RSF1: variants seen among roughly 807,000 people sequenced by gnomAD.
RSF1 encodes HBV pX-associated protein 8.
A neutral mutation model predicts 145.2 loss-of-function variants in RSF1; 13 were observed. The observed-to-expected ratio is 0.09, with a 90% CI of 0.06 to 0.14. The LOEUF is 0.14. Ranked by LOEUF, RSF1 falls within the 10% of genes least tolerant of loss-of-function variation. RSF1 has a pLI of 1.00. For missense variants in RSF1, 1,517 were observed against 1,718.2 expected (o/e 0.88, Z 2.07); for synonymous variants, 577 against 592.6 (o/e 0.97, Z 0.38).
At chr11:77,762,051 T>TTTTTTTTG (rs1948181028) in intron 2 of RSF1, 1 of 137,422 alleles carries the variant, frequency 7.3e-6, no homozygotes, top group African/African-American at 2.7e-5. Context: ...TTTTTTTTTG[T>TTTTTTTTG]AGAGATGGGA....
intron 2 of RSF1, among the ~76,000 whole-genome samples, chr11:77,752,626 TGTATCTGA>T (rs2135925374): frequency 6.6e-6 from 1 of 152,238 alleles, no homozygotes; most frequent in East Asian, 1.9e-4. Flanking sequence ...TCACTCTCTG[TGTATCTGA>T]GTCCTTGATG....
rs1959222942 is a variant in RSF1 at position 77,660,663 on chromosome 11, G to A, written c.*6254C>T. ...GAAAATTCAAGAGGCATTCTGATCA[G>A]TCCCTGAATTCCAGCTATTACTTTA... On this transcript the variant is annotated 3_prime_UTR_variant, in exon 16 of 16. Transcript: ENST00000308488. The A allele has an allele frequency of 1.3e-5, 2 of 152,178 alleles. No individual in the cohort carries two copies. The highest frequency in any genetic ancestry group is 4.1e-4 in the South Asian group (2 of 4,822). The allele number at this position is 152,178 out of a possible 1,614,324, so 9.4% of individuals were successfully genotyped here. A position where few individuals can be genotyped will look rare whatever the true frequency, so the allele number is the denominator to read the frequency against.
chr11:77,820,319 C>A (rs1229362631), intron 1 of RSF1, among the ~76,000 whole-genome samples: 1 of 152,186 alleles, frequency 6.6e-6, no homozygotes, highest in African/African-American at 2.4e-5. Context: ...CCCGCCCGGC[C>A]GAGTGGCCCT....
At chr11:77,848,743 A>G in the RSF1 span, among the ~76,000 whole-genome samples, 1 of 152,106 alleles carries the variant, frequency 6.6e-6, no homozygotes. Flanking sequence ...GAAAGCAAAC[A>G]GTAAGCTCAG....
intron 1 of RSF1, 21 bp from the exon 2 acceptor site, chr11:77,764,710 T>A: frequency 7.5e-7 from 1 of 1,340,284 alleles, no homozygotes; most frequent in South Asian, 1.2e-5. Context: ...AGAAAAAAAA[T>A]ATCATTAGCC....
At chr11:77,821,121 T>A (rs117804781), upstream of RSF1, 3 of 426,296 alleles carry the variant, frequency 7.0e-6, no homozygotes, top group Admixed American at 4.0e-5. Context: ...GCTGTTCAAC[T>A]GCAGGGCGTA....
In RSF1 at chr11:77,702,465, C is replaced by T; in HGVS notation, c.764G>A (p.Ser255Asn). 2 of 1,551,016 alleles carry T rather than the reference C, an allele frequency of 1.3e-6. No individual in the cohort carries two copies. Among genetic ancestry groups the T allele is most frequent in the African/African-American group, 1.4e-5 (1 of 71,634 alleles). The change falls in exon 6 of 16, where the codon AGT becomes AAT. Residue 255 changes from serine to asparagine, a missense_variant. This residue lies in a region of RSF1 where 207 missense variants were observed against 191.4 expected (regional missense o/e 1.08). Transcript: ENST00000308488. ...TTCTAAATCCATAGGCTGCTCCTCA[C>T]TTTTCATCTTTTCACTTTCTTTCTG... is the stretch of plus-strand genomic sequence containing the variant. ...EEQKESEKMK[S>N]EEQPMDLENR... is the part of the protein sequence containing the mutation.
chr11:77,700,673 TAATA>T, intron 6 of RSF1, 44 bp downstream of exon 6: 1 of 1,375,302 alleles, frequency 7.3e-7, no homozygotes. Flanking sequence ...AAAAACCTAT[TAATA>T]TATAGAGACA....
intron 2 of RSF1, among the ~76,000 whole-genome samples, chr11:77,749,458 C>T (rs1757913119): frequency 6.6e-6 from 1 of 152,096 alleles, no homozygotes; most frequent in African/African-American, 2.4e-5. Context: ...AGGCTAATGC[C>T]AAGTATGGGG....
chr11:77,707,256 G>A (rs371365417), intron 5 of RSF1, among the ~76,000 whole-genome samples: 71 of 152,192 alleles, frequency 4.7e-4, no homozygotes, highest in African/African-American at 1.4e-3. Context: ...TAACTGAAAC[G>A]GTAACAAAAG....
chr11:77,783,563 C>T (rs1050138641), intron 1 of RSF1, among the ~76,000 whole-genome samples: 4 of 152,086 alleles, frequency 2.6e-5, no homozygotes, highest in Non-Finnish European at 5.9e-5. Context: ...CATTATCAGC[C>T]GGGTGCAGTG....
At chr11:77,858,720 G>C in the RSF1 span, among the ~76,000 whole-genome samples, 35 of 152,268 alleles carry the variant, frequency 2.3e-4, no homozygotes, top group African/African-American at 7.9e-4. Context: ...AGTAGGGGTT[G>C]TGCAGTTGAG....
intron 11 of RSF1, among the ~76,000 whole-genome samples, chr11:77,678,768 C>T (rs887055136): frequency 6.6e-6 from 1 of 152,046 alleles, no homozygotes; most frequent in Non-Finnish European, 1.5e-5. Context: ...CACTAGGCAT[C>T]GGGTCTACCC....
At chr11:77,779,705 T>C (rs1444924125) in intron 1 of RSF1, among the ~76,000 whole-genome samples, 1 of 152,194 alleles carries the variant, frequency 6.6e-6, no homozygotes, top group Non-Finnish European at 1.5e-5. Flanking sequence ...GCTGCTTAAA[T>C]ATACTATTGT....
At chr11:77,854,292 A>G in the RSF1 span, among the ~76,000 whole-genome samples, 1 of 152,032 alleles carries the variant, frequency 6.6e-6, no homozygotes, top group African/African-American at 2.4e-5. Flanking sequence ...GTGCCCGGCT[A>G]TCCTCCAAAT....
intron 5 of RSF1, among the ~76,000 whole-genome samples, chr11:77,707,281 G>T (rs960290879): frequency 5.3e-5 from 8 of 152,066 alleles, no homozygotes; most frequent in African/African-American, 1.9e-4. Flanking sequence ...TCTAAATGTT[G>T]GCAAATAACA....
At chr11:77,706,970 T>C (rs1463588646) in intron 5 of RSF1, among the ~76,000 whole-genome samples, 1 of 152,148 alleles carries the variant, frequency 6.6e-6, no homozygotes, top group African/African-American at 2.4e-5. Context: ...AATATTATTA[T>C]ATTATAGGCA....
intron 9 of RSF1, among the ~76,000 whole-genome samples, chr11:77,689,428 T>C (rs1960092408): frequency 6.6e-6 from 1 of 152,242 alleles, no homozygotes; most frequent in African/African-American, 2.4e-5. Flanking sequence ...ACCTCTACTG[T>C]CACTTTTACA....
At chr11:77,733,366 T>G (rs914091285) in intron 4 of RSF1, among the ~76,000 whole-genome samples, 1 of 152,158 alleles carries the variant, frequency 6.6e-6, no homozygotes, top group Admixed American at 6.5e-5. Context: ...ATATATTCTT[T>G]ATGAAGTAAC....
Sources: allele counts gnomAD v4.1 joint callset (sites outside exome capture counted in the v4.1 genomes callset), GRCh38; gene constraint gnomAD v4.1.1; regional missense constraint gnomAD v4.1.1; transcripts MANE v1.5; gene names NCBI Gene and HGNC (gene_info 2026-07-23, HGNC 2026-07-21).